The following ZFPM2 variants were observed in gnomAD, a reference collection of about 807,000 sequenced individuals.
The protein encoded by ZFPM2 is zinc finger protein, FOG family member 2.
A neutral mutation model predicts 98.6 loss-of-function variants in ZFPM2; 20 were observed. The observed-to-expected ratio is 0.20, with a 90% confidence interval of 0.14 to 0.29. The LOEUF is 0.29. Ranked by LOEUF, ZFPM2 falls within the 10% of genes least tolerant of loss-of-function variation. ZFPM2 has a pLI of 1.00. For synonymous variants in ZFPM2, 518 were observed against 502.7 expected, an observed-to-expected ratio of 1.03 and a Z score of -0.41; for missense variants, 1,310 against 1,388.6, an observed-to-expected ratio of 0.94 and a Z score of 0.90.
intron 6 of ZFPM2, among the ~76,000 whole-genome samples, chr8:105,791,968 G>A (rs896624815): frequency 1.3e-4 from 20 of 152,070 alleles, no homozygotes; most frequent in Non-Finnish European, 2.2e-4. Flanking sequence ...GCGTCTATTT[G>A]ATTCTTCTCT....
intron 1 of ZFPM2, among the ~76,000 whole-genome samples, chr8:105,350,234 G>T (rs1274825862): frequency 1.3e-5 from 2 of 152,256 alleles, no homozygotes; most frequent in African/African-American, 2.4e-5. Context: ...ACAATAATTT[G>T]CCCAGAGGCT....
intron 5 of ZFPM2, among the ~76,000 whole-genome samples, chr8:105,722,020 GT>G (rs934780350): frequency 6.6e-6 from 1 of 151,738 alleles, no homozygotes; most frequent in Non-Finnish European, 1.5e-5. Context: ...AATTGGTAAT[GT>G]TTTTGATATG....
At chr8:105,487,793 T>G (rs926189650) in intron 3 of ZFPM2, among the ~76,000 whole-genome samples, 10 of 152,166 alleles carry the variant, frequency 6.6e-5, no homozygotes, top group Non-Finnish European at 1.3e-4. Flanking sequence ...ATCTACTACA[T>G]TTGCCCAGGT....
At chr8:105,648,004 A>C (rs1165904809) in intron 5 of ZFPM2, among the ~76,000 whole-genome samples, 2 of 152,304 alleles carry the variant, frequency 1.3e-5, no homozygotes, top group Middle Eastern at 3.4e-3. Context: ...ACAGTGTAAA[A>C]GTGTTCCTAT....
intron 5 of ZFPM2, among the ~76,000 whole-genome samples, chr8:105,712,665 A>G (rs1256206799): frequency 2.0e-5 from 3 of 152,032 alleles, no homozygotes; most frequent in Non-Finnish European, 4.4e-5. Context: ...CATCACCCAG[A>G]TAGTGAACAT....
intron 3 of ZFPM2, among the ~76,000 whole-genome samples, chr8:105,558,352 A>C (rs1815047183): frequency 6.6e-6 from 1 of 152,170 alleles, no homozygotes; most frequent in African/African-American, 2.4e-5. Flanking sequence ...TAAACCCTGA[A>C]ATAACTTGTT....
In ZFPM2 at chr8:105,680,514, T is replaced by C. The variant is rs749035913; in HGVS notation, c.532+46157T>C. Among the ~76,000 whole-genome samples the C allele has an allele frequency of 6.0e-4, 91 of 152,202 alleles. 1 individual carries two copies. Among genetic ancestry groups the C allele is most frequent in the Admixed American group, 1.2e-3 (18 of 15,270 alleles). Reference sequence around the variant, plus strand: ...AATACTTTATTCTGCTTCCTAATTATGTATGTCATTATCTGCTTTCTAATT... The same window carrying C: ...AATACTTTATTCTGCTTCCTAATTACGTATGTCATTATCTGCTTTCTAATT... On this transcript the variant is annotated intron_variant, in intron 5 of 7. Transcript: ENST00000407775.
At chr8:105,748,238 T>A (rs1002288995) in intron 5 of ZFPM2, among the ~76,000 whole-genome samples, 3 of 152,044 alleles carry the variant, frequency 2.0e-5, no homozygotes, top group Non-Finnish European at 4.4e-5. Flanking sequence ...ATCTACTTCT[T>A]TGCCAAAAAT....
chr8:105,651,919 T>C (rs1301300485), intron 5 of ZFPM2, among the ~76,000 whole-genome samples: 1 of 152,158 alleles, frequency 6.6e-6, no homozygotes, highest in Non-Finnish European at 1.5e-5. Context: ...CATTCCTTAG[T>C]GAGATTTTTA....
intron 5 of ZFPM2, among the ~76,000 whole-genome samples, chr8:105,682,021 TA>T (rs1032758365): frequency 6.6e-6 from 1 of 152,142 alleles, no homozygotes; most frequent in African/African-American, 2.4e-5. Flanking sequence ...AATAAATGAC[TA>T]AGTGAATAAC....
chr8:105,318,862 C>CGGT lies in ZFPM2; in HGVS notation c.-78_-77insTGG, dbSNP rs1811959838. 4 of 893,088 alleles carry CGGT rather than the reference C, an allele frequency of 4.5e-6. No individual in the cohort carries two copies. Among genetic ancestry groups the CGGT allele is most frequent in the African/African-American group, 5.4e-5 (2 of 36,830 alleles). 55.3% of individuals were successfully genotyped at this position (893,088 alleles called of 1,614,324 possible). Reference sequence around the variant, plus strand: ...GCCTGGCCAGCGGCGGCGGCGGCGGCGGCGGCGGCGGGAGCCGAGGGAGCG... The same window carrying CGGT: ...GCCTGGCCAGCGGCGGCGGCGGCGGCGGTGGCGGCGGCGGGAGCCGAGGGAGCG... On this transcript the variant is annotated 5_prime_UTR_variant, in exon 1 of 8. Coordinates refer to ENST00000407775, the MANE Select transcript of ZFPM2 (RefSeq NM_012082.4).
chr8:105,444,301 A>T lies in ZFPM2; in HGVS notation c.221A>T (p.Glu74Val). Reference protein sequence around the residue: ...CNKGDDEGIQETAESDGDTQS... With the variant: ...CNKGDDEGIQVTAESDGDTQS... The stretch of plus-strand genomic sequence containing the variant: ...CCAGGTGATGATGAAGGAATCCAGG[A>T]GACAGCAGAATCAGATGGGGACACA... The change falls in exon 3 of 8, where the codon GAG becomes GTG. Residue 74 changes from glutamate to valine, a missense_variant. Transcript: ENST00000407775. The T allele has an allele frequency of 3.7e-6, 6 of 1,611,408 alleles. No homozygotes were observed. Among genetic ancestry groups the T allele is most frequent in the Non-Finnish European group, 5.1e-6 (6 of 1,178,742 alleles).
At chr8:105,506,044 G>A (rs1483782915) in intron 3 of ZFPM2, among the ~76,000 whole-genome samples, 1 of 152,046 alleles carries the variant, frequency 6.6e-6, no homozygotes, top group Non-Finnish European at 1.5e-5. Context: ...GTGTAAAGAA[G>A]CACTGTAAAT....
At chr8:105,771,375 TTC>T (rs1812975424) in intron 5 of ZFPM2, among the ~76,000 whole-genome samples, 1 of 152,148 alleles carries the variant, frequency 6.6e-6, no homozygotes, top group African/African-American at 2.4e-5. Context: ...GTGAAAAGAA[TTC>T]TCTCTTTATT....
At chr8:105,669,396 T>C (rs1817546722) in intron 5 of ZFPM2, among the ~76,000 whole-genome samples, 1 of 151,160 alleles carries the variant, frequency 6.6e-6, no homozygotes. Flanking sequence ...CATGGTTTAA[T>C]GTCTAATTTG....
chr8:105,388,292 AAAAGG>A (rs1276640083), intron 1 of ZFPM2, among the ~76,000 whole-genome samples: 2 of 152,204 alleles, frequency 1.3e-5, no homozygotes, highest in African/African-American at 4.8e-5. Context: ...GTGACAGTAA[AAAAGG>A]AAAGAGAAGA....
chr8:105,594,571 T>G (rs1019944436), intron 4 of ZFPM2, among the ~76,000 whole-genome samples: 2 of 152,078 alleles, frequency 1.3e-5, no homozygotes, highest in African/African-American at 4.8e-5. Context: ...GCTTCATATT[T>G]CCATAACTCT....
intron 4 of ZFPM2, among the ~76,000 whole-genome samples, chr8:105,630,763 T>C (rs1008087288): frequency 1.3e-5 from 2 of 152,076 alleles, no homozygotes; most frequent in Non-Finnish European, 2.9e-5. Context: ...ACTTCTGGAG[T>C]TGTAAAAATC....
intron 1 of ZFPM2, among the ~76,000 whole-genome samples, chr8:105,415,860 G>A (rs1811670187): frequency 6.6e-6 from 1 of 152,032 alleles, no homozygotes; most frequent in Non-Finnish European, 1.5e-5. Flanking sequence ...GCTGACACTT[G>A]CTTTGGAAGA....
Sources: gnomAD v4.1 joint callset for allele counts (sites outside exome capture counted in the v4.1 genomes callset) on GRCh38, gnomAD v4.1.1 for gene constraint, MANE v1.5 for transcripts, NCBI Gene and HGNC (gene_info 2026-07-23, HGNC 2026-07-21) for gene names.